Variants in PKHD1L1 observed in about 807,000 individuals in gnomAD.
PKHD1L1 encodes fibrocystin-L.
PKHD1L1 carries 434 observed loss-of-function variants against 462.9 expected under a neutral mutation model. The observed-to-expected ratio is 0.94, with a 90% CI of 0.87 to 1.02. The LOEUF (loss-of-function observed/expected upper bound fraction) is 1.02, where lower values mean the gene tolerates loss of function less well. Among genes scored for constraint, PKHD1L1 ranks in the 50% least tolerant of loss-of-function variants. PKHD1L1 has a pLI of 0.00. For synonymous variants in PKHD1L1, 1,781 were observed against 1,750.0 expected, an observed-to-expected ratio of 1.02 and a Z score of -0.44; for missense variants, 5,202 against 5,096.1, an observed-to-expected ratio of 1.02 and a Z score of -0.63.
At chr8:109,455,268 A>G (rs1306025586) in intron 45 of PKHD1L1, among the ~76,000 whole-genome samples, 3 of 152,144 alleles carry the variant, frequency 2.0e-5, no homozygotes, top group African/African-American at 4.8e-5. Context: ...AACCCAGGAG[A>G]TGGTGGCTGC....
At chr8:109,374,241 T>C (rs1374403974) in intron 2 of PKHD1L1, among the ~76,000 whole-genome samples, 1 of 152,230 alleles carries the variant, frequency 6.6e-6, no homozygotes, top group East Asian at 1.9e-4. Flanking sequence ...AATTGATCCC[T>C]TTACCATTAT....
chr8:109,459,476 G>A, intron 46 of PKHD1L1, 119 bp from the exon 47 acceptor site: 1 of 671,770 alleles, frequency 1.5e-6, no homozygotes. Flanking sequence ...AATATTATAT[G>A]ACATAAGAAT....
chr8:109,451,774 A>T (rs1482818160), intron 41 of PKHD1L1, among the ~76,000 whole-genome samples: 1 of 152,218 alleles, frequency 6.6e-6, no homozygotes, highest in Non-Finnish European at 1.5e-5. Context: ...GTCCACAAAC[A>T]TGATGAAAAT....
chr8:109,494,854 A>G (rs2130931631), intron 63 of PKHD1L1, among the ~76,000 whole-genome samples: 1 of 152,036 alleles, frequency 6.6e-6, no homozygotes. Flanking sequence ...CCAGATCAAA[A>G]AAGTAAAATA....
At position 109,396,085 on chromosome 8, in the gene PKHD1L1, A is replaced by G. The variant is rs200874618; in HGVS notation, c.870A>G (p.Ile290Met). ...TTCGAGGTGGCACCACGCTGACAAT[A>G]AGTGGGCGTTTCTTTGATCAGACAG... ...GSIRGGTTLT[I>M]SGRFFDQTDF... is the part of the protein sequence containing the mutation. The change falls in exon 11 of 78, where the codon ATA becomes ATG. Residue 290 changes from isoleucine (I) to methionine (M), a missense_variant. This residue lies in a region of PKHD1L1 where 4,497 missense variants were observed against 4,336.8 expected (regional missense o/e 1.04). Coordinates refer to ENST00000378402, the MANE Select transcript of PKHD1L1 (RefSeq NM_177531.6). The G allele has an allele frequency of 2.5e-5, 40 of 1,609,548 alleles. No individual in the cohort carries two copies. In the African/African-American group the frequency reaches 4.8e-4, roughly 19 times the overall value.
Position 109,531,247 on chromosome 8 carries a change from G to A in PKHD1L1, c.*1157G>A, listed in dbSNP as rs1364137515. Among the ~76,000 whole-genome samples the A allele has an allele frequency of 6.6e-6, 1 of 152,092 alleles. No homozygotes were observed. The highest frequency in any genetic ancestry group is 1.5e-5 in the Non-Finnish European group (1 of 68,018). On this transcript the variant is annotated 3_prime_UTR_variant, in exon 78 of 78. Transcript: ENST00000378402. ...GCAGAAAATGTATAAACACTTACCAGGTAGTAAAATCAAATATCTTGGTAT... is the reference window on the plus strand; with the variant it reads ...GCAGAAAATGTATAAACACTTACCAAGTAGTAAAATCAAATATCTTGGTAT...
chr8:109,394,190 A>G (rs866167984), intron 9 of PKHD1L1, among the ~76,000 whole-genome samples: 55 of 151,220 alleles, frequency 3.6e-4, no homozygotes, highest in East Asian at 3.5e-3. Context: ...AAAAAAAAAA[A>G]AAAAAAAGAA....
At chr8:109,365,183 T>C (rs1005590395) in intron 2 of PKHD1L1, among the ~76,000 whole-genome samples, 4 of 152,192 alleles carry the variant, frequency 2.6e-5, no homozygotes, top group African/African-American at 7.2e-5. Flanking sequence ...TCAGTAAATA[T>C]ATTTAATGCA....
intron 77 of PKHD1L1, 132 bp downstream of exon 77, chr8:109,527,152 C>A: frequency 2.6e-6 from 2 of 770,276 alleles, no homozygotes; most frequent in South Asian, 1.8e-5. Flanking sequence ...GCCTCAATAG[C>A]AGAGACAAGA....
intron 72 of PKHD1L1, among the ~76,000 whole-genome samples, chr8:109,517,591 G>C (rs1820336617): frequency 6.6e-6 from 1 of 152,016 alleles, no homozygotes; most frequent in South Asian, 2.1e-4. Context: ...AGCAGAATTT[G>C]TCTTGCATTA....
intron 32 of PKHD1L1, among the ~76,000 whole-genome samples, chr8:109,440,175 T>A (rs1198655746): frequency 3.3e-5 from 5 of 152,094 alleles, no homozygotes; most frequent in African/African-American, 9.7e-5. Context: ...TACATTTTGA[T>A]GGCCTCCTAG....
rs16879659 is a variant in PKHD1L1 at position 109,491,989 on chromosome 8, A to G, written c.10231A>G (p.Ile3411Val). 28,928 of 1,529,248 alleles carry G rather than the reference A, an allele frequency of 0.019. 967 individuals are homozygous for G. Among genetic ancestry groups the G allele is most frequent in the African/African-American group, 0.13 (9,749 of 72,556 alleles). The allele number at this position is 1,529,248 out of a possible 1,614,324, so 94.7% of individuals were successfully genotyped here. A position where few individuals can be genotyped will look rare whatever the true frequency, so the allele number is the denominator to read the frequency against. Residue 3411 changes from isoleucine to valine, a missense_variant, in exon 62 of 78, where the codon ATT becomes GTT. Ile to Val is a conservative substitution (Grantham distance 29). This residue lies in a region of PKHD1L1 where 4,497 missense variants were observed against 4,336.8 expected (regional missense o/e 1.04). Transcript: ENST00000378402. ...DLSSTLWHAA[I>V]EINRGTNTVL... The stretch of plus-strand genomic sequence containing the variant: ...AAGTTCAACTCTCTGGCATGCAGCA[A>G]TTGAGGTAGTGAAAACAAACTTATA...
intron 14 of PKHD1L1, among the ~76,000 whole-genome samples, chr8:109,402,802 G>A (rs987060613): frequency 6.6e-6 from 1 of 152,130 alleles, no homozygotes; most frequent in African/African-American, 2.4e-5. Flanking sequence ...ATTGGACAAG[G>A]AGGGTTGGGA....
intron 2 of PKHD1L1, among the ~76,000 whole-genome samples, chr8:109,366,703 T>G (rs1811250349): frequency 2.0e-5 from 3 of 151,406 alleles, no homozygotes; most frequent in Admixed American, 1.3e-4. Context: ...TTTTTTTTTT[T>G]TTTTTTGAGA....
At position 109,498,552 on chromosome 8, in the gene PKHD1L1, C is replaced by T. The variant is rs370152942; in HGVS notation, c.10690C>T (p.Arg3564Trp). Residue 3564 changes from arginine (R) to tryptophan (W), a missense_variant, in exon 66 of 78, where the codon CGG becomes TGG. Arg to Trp is a moderately radical substitution (Grantham distance 101). This residue lies in a region of PKHD1L1 where 4,497 missense variants were observed against 4,336.8 expected (regional missense o/e 1.04). Transcript: ENST00000378402. ...TAATATTGAACTCACTGCTGCTCAT[C>T]GGAGTCCTAGATCTCCATCAGGTGA... The part of the protein sequence containing the change: ...DPNIELTAAH[R>W]SPRSPSGGRS... 92 of 1,613,134 alleles carry T rather than the reference C, an allele frequency of 5.7e-5. No homozygotes were observed. The East Asian group carries it at 1.3e-3, about 23-fold the overall frequency.
At position 109,535,193 on chromosome 8, in the gene PKHD1L1, T is replaced by C. The variant is rs1821120651; in HGVS notation, c.*5103T>C. On this transcript the variant is annotated 3_prime_UTR_variant, in exon 78 of 78. Transcript: ENST00000378402. ...ATAGTTGCTATGGTAATGGGCTCTGTGCCTATGAGCAAAAAAAAAAAATTC... is the reference window on the plus strand; with the variant it reads ...ATAGTTGCTATGGTAATGGGCTCTGCGCCTATGAGCAAAAAAAAAAAATTC... Among the ~76,000 whole-genome samples, 1 of 151,978 alleles carries C rather than the reference T, an allele frequency of 6.6e-6. No homozygotes were observed.
chr8:109,450,296 A>C lies in PKHD1L1; in HGVS notation c.6176-679A>C, dbSNP rs563398943. Among the ~76,000 whole-genome samples, 48 of 152,340 alleles carry C rather than the reference A, an allele frequency of 3.2e-4. No individual in the cohort carries two copies. The South Asian group carries it at 4.4e-3, about 14-fold the overall frequency. On this transcript the variant is annotated intron_variant, in intron 40 of 77. Transcript: ENST00000378402. ...ATTTAAACAATGTGAATATTCTATA[A>C]GAATAAAGGATATGTTTTATGTGAA...
rs777463713 is a variant in PKHD1L1, at chr8:109,406,509, A to G, written c.1813+31A>G. ...CATGTACTTAATTTTGTACTTCTGT[A>G]GGAAACAAATGTATATCCTGTGCCA... On this transcript the variant is annotated intron_variant, in intron 17 of 77. Coordinates refer to ENST00000378402, the MANE Select transcript of PKHD1L1 (RefSeq NM_177531.6). The G allele has an allele frequency of 7.0e-6, 11 of 1,561,642 alleles. No homozygotes were observed. In the Admixed American group the frequency reaches 9.6e-5, roughly 14 times the overall value.
chr8:109,428,366 A>G (rs1451769361), intron 25 of PKHD1L1, among the ~76,000 whole-genome samples: 1 of 152,202 alleles, frequency 6.6e-6, no homozygotes, highest in Non-Finnish European at 1.5e-5. Flanking sequence ...GTAGACCCAC[A>G]TATATTTACC....
Sources: allele counts gnomAD v4.1 joint callset (sites outside exome capture counted in the v4.1 genomes callset), GRCh38; gene constraint gnomAD v4.1.1; regional missense constraint gnomAD v4.1.1; transcripts MANE v1.5; gene names NCBI Gene and HGNC (gene_info 2026-07-23, HGNC 2026-07-21).